PYGM: variants seen among roughly 807,000 people sequenced by gnomAD.
PYGM encodes glycogen phosphorylase, muscle form.
A neutral mutation model predicts 99.3 loss-of-function variants in PYGM; 81 were observed. The observed-to-expected ratio is 0.82, with a 90% CI of 0.68 to 0.98. The LOEUF (loss-of-function observed/expected upper bound fraction) is 0.98, where lower values mean the gene tolerates loss of function less well. PYGM is among the 50% of genes least tolerant of loss of function. The pLI, the probability that PYGM is intolerant of heterozygous loss-of-function variation, is 0.00. For missense variants in PYGM, 1,030 were observed against 1,158.1 expected, an observed-to-expected ratio of 0.89 and a Z score of 1.61; for synonymous variants, 436 against 451.5, an observed-to-expected ratio of 0.97 and a Z score of 0.44.
intron 10 of PYGM, 70 bp from the exon 11 acceptor site, chr11:64,753,752 C>T: frequency 2.6e-6 from 4 of 1,546,626 alleles, no homozygotes; most frequent in Non-Finnish European, 3.5e-6. Flanking sequence ...GCCCCACACC[C>T]CCAGAGCTCT....
rs753889552 is a variant in PYGM at position 64,755,436 on chromosome 11, G to C, written c.772+11C>G. The C allele has an allele frequency of 2.5e-6, 4 of 1,613,418 alleles. No homozygotes were observed. In the African/African-American group the frequency reaches 5.3e-5, roughly 22 times the overall value. On this transcript the variant is annotated intron_variant, in intron 6 of 19. Coordinates refer to ENST00000164139, the MANE Select transcript of PYGM (RefSeq NM_005609.4). This position sits in a 1 kb window ranked among gnomAD's most constrained non-coding sequence, Gnocchi z 4.1. Reference sequence around the variant, plus strand: ...AAGCTGGGGTTGCTGGCTACCAGTGGATGAACTCACAGTCCTTGAGGTTGA... The same window carrying C: ...AAGCTGGGGTTGCTGGCTACCAGTGCATGAACTCACAGTCCTTGAGGTTGA...
At chr11:64,757,940 C>T in intron 4 of PYGM, 30 bp from the exon 5 acceptor site, 3 of 1,613,138 alleles carry the variant, frequency 1.9e-6, no homozygotes, top group Non-Finnish European at 2.5e-6. Context: ...GGGAGAAAGG[C>T]CAGCAGTATC....
rs2058362922 is a variant in PYGM at position 64,752,411 on chromosome 11, C to G, written c.1612G>C (p.Val538Leu). Residue 538 changes from valine (V) to leucine (L), a missense_variant, in exon 13 of 20, where the codon GTG becomes CTG. Val to Leu is a conservative substitution (Grantham distance 32). Coordinates refer to ENST00000164139, the MANE Select transcript of PYGM (RefSeq NM_005609.4). ...DEAFIRDVAK[V>L]KQENKLKFAA... is the part of the protein sequence containing the mutation. ...ATTGCATCTCTCCCCACCTGCTTCA[C>G]TTTGGCCACATCCCGAATGAAAGCT... 1 of 1,614,110 alleles carries G rather than the reference C, an allele frequency of 6.2e-7. No individual in the cohort carries two copies. The highest frequency in any genetic ancestry group is 1.3e-5 in the African/African-American group (1 of 75,074).
rs770608508 is a variant in PYGM at position 64,754,837 on chromosome 11, C to A, written c.856-1G>T. Reference sequence around the variant, plus strand: ...GCCGCAGCTCCTTCCCTTCGAAGAACTGGGGACAGCATGAGGCAGCGTGAG... The same window carrying A: ...GCCGCAGCTCCTTCCCTTCGAAGAAATGGGGACAGCATGAGGCAGCGTGAG... On this transcript the variant is annotated splice_acceptor_variant, in intron 7 of 19. Transcript: ENST00000164139. LOFTEE classifies it high-confidence loss of function. This position sits in a 1 kb window ranked among gnomAD's most constrained non-coding sequence, Gnocchi z 5.5. 3.7e-6 allele frequency: 6 copies of A among 1,613,750 alleles called. No individual in the cohort carries two copies. Among genetic ancestry groups the A allele is most frequent in the Non-Finnish European group, 5.1e-6 (6 of 1,179,968 alleles).
At chr11:64,751,520 C>A in intron 15 of PYGM, 54 bp from the exon 16 acceptor site, 1 of 1,614,168 alleles carries the variant, frequency 6.2e-7, no homozygotes, top group Non-Finnish European at 8.5e-7. Flanking sequence ...CACCCCCTAT[C>A]CTGCAACTCA....
intron 17 of PYGM, 114 bp from the exon 18 acceptor site, chr11:64,747,472 TC>T (rs2058323257): frequency 1.4e-6 from 2 of 1,428,580 alleles, no homozygotes; most frequent in East Asian, 2.4e-5. Flanking sequence ...AGCCTGCTGC[TC>T]CCCAGGGCTG....
chr11:64,754,691 A>G lies in PYGM; in HGVS notation c.999+2T>C. 1 of 1,613,272 alleles carries G rather than the reference A, an allele frequency of 6.2e-7. No homozygotes were observed. The highest frequency in any genetic ancestry group is 8.5e-7 in the Non-Finnish European group (1 of 1,179,896). ...CAGAGTCGCCCTCCACACGCATGGT[A>G]CCTTATCTGGGAAGGCATCGAAGTT... On this transcript the variant is annotated splice_donor_variant, in intron 8 of 19. Transcript: ENST00000164139. LOFTEE classifies it high-confidence loss of function. This position sits in a 1 kb window ranked among gnomAD's most constrained non-coding sequence, Gnocchi z 5.5.
rs963509118 is a variant in PYGM at position 64,756,701 on chromosome 11, C to T, written c.660+1078G>A. Among the ~76,000 whole-genome samples the T allele has an allele frequency of 5.9e-5, 9 of 152,218 alleles. No homozygotes were observed. The East Asian group carries it at 1.7e-3, about 29-fold the overall frequency. ...CTCCTGACCTCAGGTGATCCACCTGCCTTGGCCTCCCAAAGTGCTGAGATT... is the reference window on the plus strand; with the variant it reads ...CTCCTGACCTCAGGTGATCCACCTGTCTTGGCCTCCCAAAGTGCTGAGATT... On this transcript the variant is annotated intron_variant, in intron 5 of 19. Transcript: ENST00000164139.
Position 64,758,554 on chromosome 11 carries a change from C to A in PYGM, c.346-39G>T, listed in dbSNP as rs557639681. ...GGTGACAGTGGTCAGGGTCAAGTGT[C>A]AGCAGTGGAATCCCCCAGTCCCCAC... is the stretch of plus-strand genomic sequence containing the variant. On this transcript the variant is annotated intron_variant, in intron 2 of 19. Coordinates refer to ENST00000164139, the MANE Select transcript of PYGM (RefSeq NM_005609.4). The A allele has an allele frequency of 3.1e-6, 5 of 1,613,822 alleles. No individual in the cohort carries two copies. The Admixed American group carries it at 8.3e-5, about 27-fold the overall frequency.
At chr11:64,750,661 C>T (rs2058350007) in intron 16 of PYGM, 78 bp from the exon 17 acceptor site, 29 of 1,411,580 alleles carry the variant, frequency 2.1e-5, no homozygotes, top group Admixed American at 3.7e-5. Flanking sequence ...ATTAGGCTGG[C>T]CCCAGGCATA....
At chr11:64,760,089 G>T, upstream of PYGM, 1 of 882,356 alleles carries the variant, frequency 1.1e-6, no homozygotes, top group Non-Finnish European at 1.7e-6. Context: ...GAGGGCAAGG[G>T]GAGGAGAGGA....
At chr11:64,757,448 C>T (rs1247517370) in intron 5 of PYGM, among the ~76,000 whole-genome samples, 1 of 152,174 alleles carries the variant, frequency 6.6e-6, no homozygotes, top group East Asian at 1.9e-4. Flanking sequence ...CCTTTCTGGG[C>T]TGCTGCTGTC....
chr11:64,754,499 T>TG lies in PYGM; in HGVS notation c.1000-155dup. 2 of 207,056 alleles carry TG rather than the reference T, an allele frequency of 9.7e-6. No homozygotes were observed. The highest frequency in any genetic ancestry group is 1.3e-5 in the Non-Finnish European group (2 of 150,224). 12.8% of individuals were successfully genotyped at this position (207,056 alleles called of 1,614,324 possible). ...CCGGTGCTCATGGGGGTGGGAGGAA[T>TG]GGGGGGAGTGGGGCGGGAGGAGGAG... On this transcript the variant is annotated intron_variant, in intron 8 of 19. Transcript: ENST00000164139. This position sits in a 1 kb window ranked among gnomAD's most constrained non-coding sequence, Gnocchi z 5.5.
At chr11:64,760,363 G>T (rs1265186910), upstream of PYGM, 1 of 195,568 alleles carries the variant, frequency 5.1e-6, no homozygotes, top group East Asian at 1.2e-4. Flanking sequence ...AGCCAAGTCA[G>T]TGTCCCCTGA....
chr11:64,746,460 G>T lies in PYGM; in HGVS notation c.*199C>A. On this transcript the variant is annotated 3_prime_UTR_variant, in exon 20 of 20. Coordinates refer to ENST00000164139, the MANE Select transcript of PYGM (RefSeq NM_005609.4). ...TTGGTCAGACCCCATAAATAGGAGG[G>T]GACCGGGAGCCCGAGGACGGAAGGG... 2.9e-6 allele frequency: 2 copies of T among 694,466 alleles called. No homozygotes were observed. The highest frequency in any genetic ancestry group is 4.8e-6 in the Non-Finnish European group (2 of 412,456). The allele number at this position is 694,466 out of a possible 1,614,324, so 43.0% of individuals were successfully genotyped here. A position where few individuals can be genotyped will look rare whatever the true frequency, so the allele number is the denominator to read the frequency against.
Position 64,754,432 on chromosome 11 carries a change from A to T in PYGM, c.1000-87T>A. ...CTATGCCATTTGGAGGCCCCCAGAGAGCCCAGCACGGTTCTGTGACTGGGC... is the reference window on the plus strand; with the variant it reads ...CTATGCCATTTGGAGGCCCCCAGAGTGCCCAGCACGGTTCTGTGACTGGGC... On this transcript the variant is annotated intron_variant, in intron 8 of 19. Transcript: ENST00000164139. The surrounding 1 kb of genome is among the most constrained non-coding windows in gnomAD (Gnocchi z 5.5). The T allele has an allele frequency of 9.1e-7, 1 of 1,096,096 alleles. No homozygotes were observed. The highest frequency in any genetic ancestry group is 1.3e-6 in the Non-Finnish European group (1 of 776,506). 67.9% of individuals were successfully genotyped at this position (1,096,096 alleles called of 1,614,324 possible).
chr11:64,747,218 G>T lies in PYGM; in HGVS notation c.2312+6C>A, dbSNP rs1336684249. ...ACCTGAGTGATTCCCGGGCCAACCA[G>T]CTCACCGGTCATGGTGCATGAGCAT... On this transcript the variant is annotated splice_donor_region_variant and intron_variant, in intron 18 of 19. Coordinates refer to ENST00000164139, the MANE Select transcript of PYGM (RefSeq NM_005609.4). The T allele has an allele frequency of 6.2e-7, 1 of 1,613,986 alleles. No individual in the cohort carries two copies. The highest frequency in any genetic ancestry group is 8.5e-7 in the Non-Finnish European group (1 of 1,179,922).
Position 64,755,528 on chromosome 11 carries a change from C to G in PYGM, c.691G>C (p.Val231Leu), listed in dbSNP as rs763524554. Residue 231 changes from valine to leucine, a missense_variant, in exon 6 of 20, where the codon GTG becomes CTG. Physicochemically the swap from Val to Leu is conservative, Grantham distance 32. Coordinates refer to ENST00000164139, the MANE Select transcript of PYGM (RefSeq NM_005609.4). The surrounding 1 kb of genome is among the most constrained non-coding windows in gnomAD (Gnocchi z 4.1). Reference protein sequence around the residue: ...VVLAMPYDTPVPGYRNNVVNT... With the variant: ...VVLAMPYDTPLPGYRNNVVNT... The stretch of plus-strand genomic sequence containing the variant: ...ACAACATTGTTGCGATAGCCAGGCA[C>G]GGGCGTATCGTAGGGCATGGCCAGT... 6.2e-7 allele frequency: 1 copy of G among 1,613,948 alleles called. No homozygotes were observed. The highest frequency in any genetic ancestry group is 1.3e-5 in the African/African-American group (1 of 74,914).
At chr11:64,757,700 T>G in intron 5 of PYGM, 79 bp downstream of exon 5, 1 of 1,593,024 alleles carries the variant, frequency 6.3e-7, no homozygotes, top group Admixed American at 1.7e-5. Flanking sequence ...TAAAATACAC[T>G]GGGTCCTGCT....
Sources: gnomAD v4.1 joint callset for allele counts (sites outside exome capture counted in the v4.1 genomes callset) on GRCh38, gnomAD v4.1.1 for gene constraint, Gnocchi (gnomAD v3.1) non-coding constraint, MANE v1.5 for transcripts, NCBI Gene and HGNC (gene_info 2026-07-23, HGNC 2026-07-21) for gene names.